Variants in ARSB observed in about 807,000 individuals in gnomAD.
ARSB encodes the protein N-acetylgalactosamine-4-sulfatase.
A neutral mutation model predicts 50.9 loss-of-function variants in ARSB; 41 were observed. The ratio of observed to expected loss-of-function variants is 0.81; its 90% CI spans 0.63 to 1.04. The LOEUF (loss-of-function observed/expected upper bound fraction) is 1.04, where lower values mean the gene tolerates loss of function less well. ARSB is among the 50% of genes least tolerant of loss of function. The pLI, the probability that ARSB is intolerant of heterozygous loss-of-function variation, is 0.00. For missense variants in ARSB, 672 were observed against 693.3 expected, an observed-to-expected ratio of 0.97 and a Z score of 0.35; for synonymous variants, 269 against 284.8, an observed-to-expected ratio of 0.94 and a Z score of 0.56.
chr5:78,816,163 G>C (rs2112665576), intron 6 of ARSB: 1 of 1,613,906 alleles, frequency 6.2e-7, no homozygotes, highest in East Asian at 2.2e-5. Context: ...GATTTCTCAG[G>C]GTACGGTTGT....
chr5:78,880,670 A>G (rs1747702677), intron 5 of ARSB, among the ~76,000 whole-genome samples: 1 of 152,180 alleles, frequency 6.6e-6, no homozygotes, highest in South Asian at 2.1e-4. Flanking sequence ...TATTTTTACC[A>G]TGAAGTGGGC....
At chr5:78,885,937 A>G in intron 4 of ARSB, 110 bp from the exon 5 acceptor site, 2 of 1,561,238 alleles carry the variant, frequency 1.3e-6, no homozygotes. Flanking sequence ...AATAAAAAAA[A>G]AGAAAATTCC....
intron 4 of ARSB, among the ~76,000 whole-genome samples, chr5:78,931,396 T>C: frequency 6.6e-6 from 1 of 152,152 alleles, no homozygotes; most frequent in Admixed American, 6.5e-5. Context: ...AATCTATTAC[T>C]AATGACAATG....
chr5:78,946,987 G>A (rs1221708443), intron 4 of ARSB, among the ~76,000 whole-genome samples: 2 of 151,968 alleles, frequency 1.3e-5, no homozygotes, highest in Non-Finnish European at 2.9e-5. Flanking sequence ...CATCTACAGT[G>A]AACCCATTTT....
chr5:78,969,422 T>C (rs1353431095), intron 1 of ARSB, among the ~76,000 whole-genome samples: 2 of 152,190 alleles, frequency 1.3e-5, no homozygotes, highest in African/African-American at 4.8e-5. Context: ...AACAGATATT[T>C]TCAATATTTA....
intron 6 of ARSB, among the ~76,000 whole-genome samples, chr5:78,790,685 A>G (rs1009380214): frequency 6.6e-6 from 1 of 152,236 alleles, no homozygotes; most frequent in African/African-American, 2.4e-5. Context: ...ACATCTGTCA[A>G]TAACTATCAC....
At chr5:78,980,114 C>T (rs1287665988) in intron 1 of ARSB, among the ~76,000 whole-genome samples, 1 of 152,182 alleles carries the variant, frequency 6.6e-6, no homozygotes, top group African/African-American at 2.4e-5. Context: ...TGAAGAGTGA[C>T]TGCTAATAGT....
At chr5:78,968,407 G>T (rs1312558521) in intron 2 of ARSB, among the ~76,000 whole-genome samples, 2 of 150,830 alleles carry the variant, frequency 1.3e-5, no homozygotes, top group African/African-American at 4.9e-5. Flanking sequence ...GAGTGCAGTG[G>T]CATGATCTCG....
chr5:78,939,491 T>G (rs1352949850), intron 4 of ARSB, among the ~76,000 whole-genome samples: 1 of 152,138 alleles, frequency 6.6e-6, no homozygotes, highest in African/African-American at 2.4e-5. Flanking sequence ...GTCCATGTTT[T>G]CTCATTGTTC....
In ARSB at chr5:78,822,171, T is replaced by C. The variant is rs1392790034; in HGVS notation, c.1213+17185A>G. Among the ~76,000 whole-genome samples, 5 of 152,290 alleles carry C rather than the reference T, an allele frequency of 3.3e-5. No homozygotes were observed. The South Asian group carries it at 1.0e-3, about 32-fold the overall frequency. On this transcript the variant is annotated intron_variant, in intron 6 of 7. Transcript: ENST00000264914. ...TTTGTGACCTTTTGCTGTTTTACAG[T>C]GATAATGAATTTTCTGACAGACTTG... is the stretch of plus-strand genomic sequence containing the variant.
In ARSB at chr5:78,862,549, T is replaced by C. The variant is rs371702016; in HGVS notation, c.1142+23035A>G. On this transcript the variant is annotated intron_variant, in intron 5 of 7. Coordinates refer to ENST00000264914, the MANE Select transcript of ARSB (RefSeq NM_000046.5). The stretch of plus-strand genomic sequence containing the variant: ...GTGCTGGGAAAACTGGCTAGCCATA[T>C]GTAGAAAGCTGAAACTGGATCCCTT... 1.1e-3 allele frequency among the ~76,000 whole-genome samples: 174 copies of C among 152,220 alleles called. 2 individuals are homozygous for C. Among genetic ancestry groups the C allele is most frequent in the African/African-American group, 3.9e-3 (163 of 41,540 alleles).
At chr5:78,877,582 T>C (rs1359788888) in intron 5 of ARSB, among the ~76,000 whole-genome samples, 1 of 151,864 alleles carries the variant, frequency 6.6e-6, no homozygotes, top group African/African-American at 2.4e-5. Context: ...AGAGACGGGG[T>C]TTCACCATGT....
In ARSB at chr5:78,887,199, G is replaced by A. The variant is rs115054634; in HGVS notation, c.899-1372C>T. Among the ~76,000 whole-genome samples, 394 of 152,202 alleles carry A rather than the reference G, an allele frequency of 2.6e-3. 1 individual carries two copies. Among genetic ancestry groups the A allele is most frequent in the South Asian group, 3.8e-3 (18 of 4,784 alleles). On this transcript the variant is annotated intron_variant, in intron 4 of 7. Transcript: ENST00000264914. ...ATTCTGATGACTGATAAGTCCAAGCGCTAGGCACTGGCATCAGTTGCTGGT... is the reference window on the plus strand; with the variant it reads ...ATTCTGATGACTGATAAGTCCAAGCACTAGGCACTGGCATCAGTTGCTGGT...
intron 4 of ARSB, among the ~76,000 whole-genome samples, chr5:78,901,648 TTAAAGA>T (rs1748811324): frequency 6.6e-6 from 1 of 151,282 alleles, no homozygotes; most frequent in East Asian, 1.9e-4. Context: ...CACATAAAAA[TTAAAGA>T]TGAATCATAT....
At chr5:78,915,057 C>G (rs754173637) in intron 4 of ARSB, among the ~76,000 whole-genome samples, 10 of 152,132 alleles carry the variant, frequency 6.6e-5, no homozygotes, top group Admixed American at 1.3e-4. Context: ...GAGCTTGCTC[C>G]TTGTTCCTTA....
At chr5:78,915,678 A>C (rs1749518549) in intron 4 of ARSB, among the ~76,000 whole-genome samples, 1 of 152,172 alleles carries the variant, frequency 6.6e-6, no homozygotes, top group Admixed American at 6.5e-5. Flanking sequence ...TGGGATTTAA[A>C]ATTTTTTTTG....
chr5:78,886,592 G>T (rs1748047860), intron 4 of ARSB, among the ~76,000 whole-genome samples: 1 of 152,140 alleles, frequency 6.6e-6, no homozygotes, highest in South Asian at 2.1e-4. Flanking sequence ...CTGAAGTTAA[G>T]TATCTTCCCA....
At position 78,778,865 on chromosome 5, in the gene ARSB, A is replaced by G. The variant is rs1246070422; in HGVS notation, c.*1532T>C. On this transcript the variant is annotated 3_prime_UTR_variant, in exon 8 of 8. Transcript: ENST00000264914. ...AGGGAACCTTGTCTTTTCAAAAAAT[A>G]AAATTAGCTGGGTGTGGCGGTATAT... 1 of 152,060 alleles carries G rather than the reference A, an allele frequency of 6.6e-6. No individual in the cohort carries two copies. Among genetic ancestry groups the G allele is most frequent in the African/African-American group, 2.4e-5 (1 of 41,404 alleles). 9.4% of individuals were successfully genotyped at this position (152,060 alleles called of 1,614,324 possible).
chr5:78,839,472 G>T, intron 5 of ARSB, 46 bp from the exon 6 acceptor site: 2 of 1,507,976 alleles, frequency 1.3e-6, no homozygotes, highest in South Asian at 1.1e-5. Context: ...CTCTCTAATG[G>T]GCATGAATTA....
Sources: gnomAD v4.1 joint callset for allele counts (sites outside exome capture counted in the v4.1 genomes callset) on GRCh38, gnomAD v4.1.1 for gene constraint, MANE v1.5 for transcripts, NCBI Gene and HGNC (gene_info 2026-07-23, HGNC 2026-07-21) for gene names.